CCSER1: variants seen among roughly 807,000 people sequenced by gnomAD.
CCSER1 encodes serine-rich coiled-coil domain-containing protein 1.
Under a neutral mutation model 82.0 loss-of-function variants are expected in CCSER1, and 41 were observed. The ratio of observed to expected loss-of-function variants is 0.50; its 90% CI spans 0.39 to 0.65. CCSER1 has a LOEUF of 0.65. Ranked by LOEUF, CCSER1 falls within the 30% of genes least tolerant of loss-of-function variation. The pLI, the probability that CCSER1 is intolerant of heterozygous loss-of-function variation, is 0.00. For synonymous variants in CCSER1, 414 were observed against 383.9 expected (o/e 1.08, Z -0.92); for missense variants, 1,119 against 1,064.2 (o/e 1.05, Z -0.72).
chr4:91,559,183 A>G (rs1762543647), intron 10 of CCSER1, among the ~76,000 whole-genome samples: 1 of 151,588 alleles, frequency 6.6e-6, no homozygotes, highest in African/African-American at 2.4e-5. Context: ...AGAATCCTAG[A>G]GCATACTACA....
chr4:90,922,499 C>T (rs1032720624), intron 8 of CCSER1, among the ~76,000 whole-genome samples: 1 of 152,020 alleles, frequency 6.6e-6, no homozygotes, highest in Non-Finnish European at 1.5e-5. Flanking sequence ...AAATGATAGA[C>T]ATTCTGCTTT....
At position 90,157,569 on chromosome 4, in the gene CCSER1, G is replaced by A. The variant is rs557691919; in HGVS notation, c.-42+29738G>A. Among the ~76,000 whole-genome samples, 594 of 152,134 alleles carry A rather than the reference G, an allele frequency of 3.9e-3. 3 individuals are homozygous for A. Among genetic ancestry groups the A allele is most frequent in the Non-Finnish European group, 6.6e-3 (448 of 67,990 alleles). On this transcript the variant is annotated intron_variant, in intron 1 of 10. Coordinates refer to ENST00000509176, the MANE Select transcript of CCSER1 (RefSeq NM_001145065.2). ...CCCATATTTCTTGGAGGCTTTGTTC[G>A]TTTCTTTTTATTCTTTTTTCTCTAA... is the stretch of plus-strand genomic sequence containing the variant.
At chr4:90,151,135 A>G (rs769730895) in intron 1 of CCSER1, among the ~76,000 whole-genome samples, 1 of 152,130 alleles carries the variant, frequency 6.6e-6, no homozygotes, top group Non-Finnish European at 1.5e-5. Flanking sequence ...TCACTGAATA[A>G]TGAAAATCCA....
chr4:90,898,535 G>A (rs374897842), intron 8 of CCSER1, among the ~76,000 whole-genome samples: 4 of 150,534 alleles, frequency 2.7e-5, no homozygotes, highest in Non-Finnish European at 4.4e-5. Flanking sequence ...TGATTCCCCC[G>A]CCTTGGCCTC....
chr4:90,835,401 A>T (rs1761682760), intron 8 of CCSER1, among the ~76,000 whole-genome samples: 1 of 152,228 alleles, frequency 6.6e-6, no homozygotes, highest in Non-Finnish European at 1.5e-5. Context: ...GTAATTGCTT[A>T]CAGCTCATAT....
At chr4:91,271,543 G>C (rs1742023489) in intron 10 of CCSER1, among the ~76,000 whole-genome samples, 1 of 152,004 alleles carries the variant, frequency 6.6e-6, no homozygotes, top group Non-Finnish European at 1.5e-5. Flanking sequence ...TTCCATTCCT[G>C]AGTTACTTCA....
chr4:91,282,651 C>T (rs1233849919), intron 10 of CCSER1, among the ~76,000 whole-genome samples: 1 of 152,140 alleles, frequency 6.6e-6, no homozygotes, highest in Non-Finnish European at 1.5e-5. Flanking sequence ...TATTTATCAT[C>T]CTTTAATGCA....
intron 10 of CCSER1, among the ~76,000 whole-genome samples, chr4:91,299,878 AT>A (rs1744532387): frequency 6.6e-6 from 1 of 151,718 alleles, no homozygotes; most frequent in African/African-American, 2.4e-5. Context: ...GCCATAAATA[AT>A]TTTTGCTTTA....
rs183821385 is a variant in CCSER1 at position 91,482,459 on chromosome 4, G to A, written c.2218-116113G>A. Among the ~76,000 whole-genome samples, 195 of 150,884 alleles carry A rather than the reference G, an allele frequency of 1.3e-3. 2 individuals are homozygous for A. Among genetic ancestry groups the A allele is most frequent in the African/African-American group, 4.6e-3 (189 of 41,134 alleles). On this transcript the variant is annotated intron_variant, in intron 10 of 10. Coordinates refer to ENST00000509176, the MANE Select transcript of CCSER1 (RefSeq NM_001145065.2). The stretch of plus-strand genomic sequence containing the variant: ...TCAGGAAACAACAGGTGCTGGAGAG[G>A]ATGTGTAGAAATACGAATGCTTTTA...
At chr4:90,929,912 T>A (rs965677699) in intron 9 of CCSER1, among the ~76,000 whole-genome samples, 1 of 152,208 alleles carries the variant, frequency 6.6e-6, no homozygotes, top group African/African-American at 2.4e-5. Context: ...GGATGGTTGA[T>A]GTGTTAATTT....
At chr4:90,884,082 A>C (rs1438916363) in intron 8 of CCSER1, among the ~76,000 whole-genome samples, 1 of 152,098 alleles carries the variant, frequency 6.6e-6, no homozygotes, top group African/African-American at 2.4e-5. Context: ...GTTCAATTTT[A>C]AGTATCTAAG....
chr4:90,354,292 G>A (rs1052240410), intron 3 of CCSER1, among the ~76,000 whole-genome samples: 2 of 152,040 alleles, frequency 1.3e-5, no homozygotes, highest in Admixed American at 6.6e-5. Context: ...CAGATTAGGG[G>A]GCTAGGGAAA....
chr4:90,203,369 C>A (rs183475972), intron 1 of CCSER1, among the ~76,000 whole-genome samples: 2 of 152,200 alleles, frequency 1.3e-5, no homozygotes, highest in East Asian at 3.9e-4. Flanking sequence ...CCAACAGACC[C>A]CGGTGTGTGA....
chr4:90,764,187 A>G (rs1580358501), intron 7 of CCSER1, among the ~76,000 whole-genome samples: 1 of 152,192 alleles, frequency 6.6e-6, no homozygotes, highest in Non-Finnish European at 1.5e-5. Context: ...CCTTCGAGGT[A>G]GATTGTAAAA....
chr4:91,330,142 C>T (rs752648845), intron 10 of CCSER1, among the ~76,000 whole-genome samples: 15 of 152,024 alleles, frequency 9.9e-5, no homozygotes, highest in African/African-American at 1.7e-4. Context: ...TTTTACTCCA[C>T]GTACAGGTTG....
intron 6 of CCSER1, among the ~76,000 whole-genome samples, chr4:90,723,007 T>G (rs1742943083): frequency 6.6e-6 from 1 of 151,942 alleles, no homozygotes; most frequent in Non-Finnish European, 1.5e-5. Flanking sequence ...GTTTTAATCT[T>G]CACTGCAAAA....
rs553798842 is a variant in CCSER1 at position 91,499,107 on chromosome 4, G to T, written c.2218-99465G>T. Among the ~76,000 whole-genome samples the T allele has an allele frequency of 1.4e-4, 21 of 151,948 alleles. No homozygotes were observed. The South Asian group carries it at 3.9e-3, about 29-fold the overall frequency. On this transcript the variant is annotated intron_variant, in intron 10 of 10. Coordinates refer to ENST00000509176, the MANE Select transcript of CCSER1 (RefSeq NM_001145065.2). ...CATGAATGGAAAGGCTGGGTCAAATGTTATGTTTCATTTCATTTTGTTGCA... is the reference window on the plus strand; with the variant it reads ...CATGAATGGAAAGGCTGGGTCAAATTTTATGTTTCATTTCATTTTGTTGCA...
intron 3 of CCSER1, among the ~76,000 whole-genome samples, chr4:90,353,174 AT>A (rs1724345477): frequency 1.3e-5 from 2 of 152,112 alleles, no homozygotes; most frequent in Non-Finnish European, 2.9e-5. Context: ...GAAAATAATT[AT>A]TTATACTGGG....
chr4:90,237,046 A>G (rs1025091087), intron 1 of CCSER1, among the ~76,000 whole-genome samples: 17 of 152,192 alleles, frequency 1.1e-4, no homozygotes, highest in African/African-American at 4.1e-4. Flanking sequence ...TTTGCGAGCT[A>G]CATGCCAGAG....
Sources: allele counts gnomAD v4.1 joint callset (sites outside exome capture counted in the v4.1 genomes callset), GRCh38; gene constraint gnomAD v4.1.1; transcripts MANE v1.5; gene names NCBI Gene and HGNC (gene_info 2026-07-23, HGNC 2026-07-21).